Variants in LRRC7 observed in about 807,000 individuals in gnomAD.
The protein encoded by LRRC7 is leucine rich repeat containing 7.
In LRRC7, 23 loss-of-function variants were observed where a neutral mutation model predicts 175.7. The observed-to-expected ratio is 0.13, with a 90% CI of 0.09 to 0.19. LRRC7 has a LOEUF of 0.19. LRRC7 is among the 10% of genes least tolerant of loss of function. LRRC7 has a pLI of 1.00. For missense variants in LRRC7, 1,354 were observed against 1,904.7 expected, an observed-to-expected ratio of 0.71 and a Z score of 5.38; for synonymous variants, 685 against 680.9, an observed-to-expected ratio of 1.01 and a Z score of -0.09.
intron 23 of LRRC7, among the ~76,000 whole-genome samples, chr1:70,058,012 A>AT (rs1224681467): frequency 0.013 from 1,746 of 134,432 alleles, 13 homozygotes; most frequent in South Asian, 0.051. Context: ...CAGACTCACA[A>AT]TTTTTTTTTT....
intron 2 of LRRC7, among the ~76,000 whole-genome samples, chr1:69,752,073 T>C (rs990167958): frequency 6.6e-6 from 1 of 152,128 alleles, no homozygotes; most frequent in Non-Finnish European, 1.5e-5. Context: ...TCAAATGTGA[T>C]CATTTCAAGA....
At chr1:69,743,321 A>G (rs141375368) in intron 2 of LRRC7, among the ~76,000 whole-genome samples, 83 of 152,156 alleles carry the variant, frequency 5.5e-4, no homozygotes, top group African/African-American at 2.0e-3. Flanking sequence ...AAAGATCTGC[A>G]GAAGGAGTGA....
chr1:69,757,321 G>C (rs1045220671), intron 2 of LRRC7, among the ~76,000 whole-genome samples: 4 of 151,974 alleles, frequency 2.6e-5, no homozygotes, highest in Admixed American at 6.6e-5. Context: ...AGCATGCTCT[G>C]CTTTTAAAGG....
At chr1:69,877,706 GCTTT>G (rs1686168518) in intron 7 of LRRC7, among the ~76,000 whole-genome samples, 1 of 152,000 alleles carries the variant, frequency 6.6e-6, no homozygotes. Context: ...CTACTAAACT[GCTTT>G]CTGTCTTTAT....
intron 14 of LRRC7, among the ~76,000 whole-genome samples, chr1:70,017,977 T>C (rs2101967067): frequency 6.6e-6 from 1 of 152,224 alleles, no homozygotes; most frequent in Admixed American, 6.5e-5. Flanking sequence ...AAGAGTAATG[T>C]AATGTGGTTA....
chr1:69,666,832 GTCTTT>G (rs1658339505), intron 1 of LRRC7, among the ~76,000 whole-genome samples: 1 of 151,320 alleles, frequency 6.6e-6, no homozygotes, highest in South Asian at 2.1e-4. Flanking sequence ...TTTTTATTAT[GTCTTT>G]TCTTCTACTA....
chr1:69,783,526 G>A (rs1187793601), intron 3 of LRRC7, among the ~76,000 whole-genome samples: 1 of 152,132 alleles, frequency 6.6e-6, no homozygotes, highest in Non-Finnish European at 1.5e-5. Flanking sequence ...GGAGGCCGAG[G>A]CAGGCAGATC....
At chr1:70,027,122 C>T (rs1460044089) in intron 17 of LRRC7, among the ~76,000 whole-genome samples, 1 of 152,032 alleles carries the variant, frequency 6.6e-6, no homozygotes, top group Non-Finnish European at 1.5e-5. Context: ...CCCACACACA[C>T]TTTCCACAGA....
chr1:69,702,258 T>C (rs1287741695), intron 2 of LRRC7, among the ~76,000 whole-genome samples: 1 of 152,202 alleles, frequency 6.6e-6, no homozygotes, highest in Non-Finnish European at 1.5e-5. Flanking sequence ...ACATGTCACA[T>C]GCCTATCAGT....
chr1:69,641,461 A>G (rs898139616), intron 1 of LRRC7, among the ~76,000 whole-genome samples: 5 of 151,590 alleles, frequency 3.3e-5, no homozygotes, highest in African/African-American at 9.7e-5. Context: ...TCTAAACATT[A>G]GCTTTAAGAA....
chr1:69,793,058 C>T (rs1160845522), intron 4 of LRRC7, among the ~76,000 whole-genome samples: 3 of 152,068 alleles, frequency 2.0e-5, no homozygotes, highest in Non-Finnish European at 2.9e-5. Flanking sequence ...ACCGTATCTG[C>T]ACAAGTAGTG....
intron 22 of LRRC7, among the ~76,000 whole-genome samples, chr1:70,044,894 T>G (rs1660208749): frequency 6.6e-6 from 1 of 152,158 alleles, no homozygotes; most frequent in Admixed American, 6.6e-5. Context: ...ATATTTATAT[T>G]GTCATTAGCC....
chr1:69,597,144 G>A (rs1490894082), intron 1 of LRRC7, among the ~76,000 whole-genome samples: 3 of 152,104 alleles, frequency 2.0e-5, no homozygotes, highest in South Asian at 2.1e-4. Context: ...TATATGTGAC[G>A]GTAAGTGTCT....
chr1:69,813,733 G>C (rs1315865547), intron 4 of LRRC7, among the ~76,000 whole-genome samples: 1 of 152,010 alleles, frequency 6.6e-6, no homozygotes, highest in East Asian at 1.9e-4. Flanking sequence ...GGGTCTCCAG[G>C]GAAATCAAAA....
At chr1:69,765,425 A>G (rs1233800883) in intron 3 of LRRC7, among the ~76,000 whole-genome samples, 2 of 152,076 alleles carry the variant, frequency 1.3e-5, no homozygotes, top group Non-Finnish European at 2.9e-5. Context: ...CCATCCTAAC[A>G]AGTAGTTCAA....
At chr1:69,718,152 G>GA (rs1249305211) in intron 2 of LRRC7, among the ~76,000 whole-genome samples, 1 of 146,202 alleles carries the variant, frequency 6.8e-6, no homozygotes, top group Admixed American at 6.9e-5. Context: ...GAGAAAGAAA[G>GA]AAAGAAAGAA....
intron 23 of LRRC7, among the ~76,000 whole-genome samples, chr1:70,055,184 T>C (rs1359572055): frequency 6.6e-6 from 1 of 152,148 alleles, no homozygotes; most frequent in Admixed American, 6.6e-5. Flanking sequence ...TACAGGGCTA[T>C]GACAGTACCT....
chr1:69,896,403 A>G (rs1351000494), intron 7 of LRRC7, among the ~76,000 whole-genome samples: 1 of 152,200 alleles, frequency 6.6e-6, no homozygotes, highest in Non-Finnish European at 1.5e-5. Flanking sequence ...TATTTCTTCT[A>G]TCAAACTATA....
In LRRC7 at chr1:70,140,047, T is replaced by A. The variant is rs1667006097; in HGVS notation, c.*18160T>A. On this transcript the variant is annotated 3_prime_UTR_variant, in exon 27 of 27. Transcript: ENST00000651989. ...GATTTGCAAATGGTGGGTTTTTTCG[T>A]TTTTTTGTGTGTTGGAGTAATTGAA... The A allele has an allele frequency of 6.7e-6, 1 of 149,690 alleles. No homozygotes were observed. The highest frequency in any genetic ancestry group is 2.1e-4 in the South Asian group (1 of 4,812). The allele number at this position is 149,690 out of a possible 1,614,324, so 9.3% of individuals were successfully genotyped here. A position where few individuals can be genotyped will look rare whatever the true frequency, so the allele number is the denominator to read the frequency against.
Sources: gnomAD v4.1 joint callset for allele counts (sites outside exome capture counted in the v4.1 genomes callset) on GRCh38, gnomAD v4.1.1 for gene constraint, MANE v1.5 for transcripts, NCBI Gene and HGNC (gene_info 2026-07-23, HGNC 2026-07-21) for gene names.